LUC7L: variants seen among roughly 807,000 people sequenced by gnomAD.
The protein encoded by LUC7L is putative RNA-binding protein Luc7-like 1.
LUC7L carries 29 observed loss-of-function variants against 51.1 expected under a neutral mutation model. The ratio of observed to expected loss-of-function variants is 0.57; its 90% CI spans 0.42 to 0.77. The LOEUF is 0.77. Ranked by LOEUF, LUC7L falls within the 30% of genes least tolerant of loss-of-function variation. The pLI is 0.00. For missense variants in LUC7L, 403 were observed against 511.9 expected (o/e 0.79, Z 2.05); for synonymous variants, 181 against 180.7 (o/e 1.00, Z -0.01).
chr16:189,801 A>G, intron 9 of LUC7L, 167 bp downstream of exon 9: 1 of 1,429,686 alleles, frequency 7.0e-7, no homozygotes, highest in Non-Finnish European at 9.1e-7. Flanking sequence ...GCTCCTCCAC[A>G]GCCCTCTCGC....
intron 2 of LUC7L, among the ~76,000 whole-genome samples, chr16:224,244 C>T (rs1349687454): frequency 6.6e-6 from 1 of 152,040 alleles, no homozygotes; most frequent in African/African-American, 2.4e-5. Flanking sequence ...TGAGGCCGAG[C>T]GCGGTGGCTC....
intron 2 of LUC7L, among the ~76,000 whole-genome samples, chr16:226,028 C>G (rs935942066): frequency 6.6e-6 from 1 of 152,090 alleles, no homozygotes; most frequent in Non-Finnish European, 1.5e-5. Flanking sequence ...CTTCCTTTGA[C>G]GAGTTGAAAT....
chr16:202,760 C>T (rs537398374), intron 5 of LUC7L, among the ~76,000 whole-genome samples: 1 of 152,290 alleles, frequency 6.6e-6, no homozygotes, highest in South Asian at 2.1e-4. Flanking sequence ...GACATCATTA[C>T]GGATCCACCC....
In LUC7L at chr16:189,284, G is replaced by T. The variant is rs145225527; in HGVS notation, c.1030C>A (p.Arg344=). Reference sequence around the variant, plus strand: ...TCAAGCCTCCAGTCCGGGGGCCCTCGCTCGCTCCGCCCGCTCTCCCAGGAC... The same window carrying T: ...TCAAGCCTCCAGTCCGGGGGCCCTCTCTCGCTCCGCCCGCTCTCCCAGGAC... ...EESWESGRSE[R]GPPDWRLESS... The change falls in exon 10 of 10, where the codon CGA becomes AGA. Residue 344 remains arginine (R), a synonymous_variant. Transcript: ENST00000293872. 2 of 1,613,332 alleles carry T rather than the reference G, an allele frequency of 1.2e-6. No individual in the cohort carries two copies. Among genetic ancestry groups the T allele is most frequent in the Non-Finnish European group, 1.7e-6 (2 of 1,179,920 alleles).
At chr16:219,133 G>GT (rs1232825461) in intron 3 of LUC7L, among the ~76,000 whole-genome samples, 1 of 151,828 alleles carries the variant, frequency 6.6e-6, no homozygotes, top group African/African-American at 2.4e-5. Flanking sequence ...GCTCACAGCT[G>GT]TAATCCCAGC....
intron 4 of LUC7L, 100 bp from the exon 5 acceptor site, chr16:206,247 T>C: frequency 1.7e-6 from 2 of 1,180,162 alleles, no homozygotes; most frequent in Non-Finnish European, 1.2e-6. Context: ...TGAAAATAAG[T>C]GGAAGAGCTA....
intron 1 of LUC7L, chr16:227,640 G>A (rs781098076): frequency 4.5e-4 from 522 of 1,150,124 alleles, no homozygotes; most frequent in Non-Finnish European, 4.4e-4. Flanking sequence ...ATATACATGT[G>A]GCAATGAGAC....
intron 7 of LUC7L, among the ~76,000 whole-genome samples, chr16:191,041 C>T (rs1464497686): frequency 1.3e-5 from 2 of 152,160 alleles, no homozygotes; most frequent in African/African-American, 4.8e-5. Context: ...GCCAATGCTC[C>T]CATCCCCACA....
chr16:193,529 G>C (rs1441535364), intron 6 of LUC7L, among the ~76,000 whole-genome samples: 1 of 151,832 alleles, frequency 6.6e-6, no homozygotes, highest in Non-Finnish European at 1.5e-5. Context: ...TCCTGAGACA[G>C]AGTCCGCCCT....
chr16:192,459 G>T (rs1319018596), intron 7 of LUC7L, among the ~76,000 whole-genome samples: 8 of 151,796 alleles, frequency 5.3e-5, no homozygotes, highest in Admixed American at 2.6e-4. Context: ...TCCTGCGCTG[G>T]GACGTGTTTT....
At chr16:222,157 C>T (rs562899511) in intron 2 of LUC7L, among the ~76,000 whole-genome samples, 18 of 152,082 alleles carry the variant, frequency 1.2e-4, no homozygotes, top group African/African-American at 4.3e-4. Flanking sequence ...AATCTAAATC[C>T]TAAGTATAGG....
Position 227,846 on chromosome 16 carries a change from T to C in LUC7L, c.62-510A>G, listed in dbSNP as rs549576294. 6.0e-6 allele frequency: 6 copies of C among 1,001,462 alleles called. No individual in the cohort carries two copies. The South Asian group carries it at 2.1e-4, about 35-fold the overall frequency. The allele number at this position is 1,001,462 out of a possible 1,614,324, so 62.0% of individuals were successfully genotyped here. ...AAGACTGTTAAATAATCTAGATCTATTCTTCCTACGTCCCTTTCGTTCCCA... is the reference window on the plus strand; with the variant it reads ...AAGACTGTTAAATAATCTAGATCTACTCTTCCTACGTCCCTTTCGTTCCCA... On this transcript the variant is annotated intron_variant, in intron 1 of 9. Coordinates refer to ENST00000293872, the MANE Select transcript of LUC7L (RefSeq NM_201412.3).
intron 9 of LUC7L, 122 bp from the exon 10 acceptor site, chr16:189,461 A>C: frequency 7.0e-7 from 1 of 1,427,850 alleles, no homozygotes; most frequent in Non-Finnish European, 9.1e-7. Flanking sequence ...ATACCTGGAA[A>C]CCCCCCGGAG....
intron 3 of LUC7L, among the ~76,000 whole-genome samples, chr16:214,445 T>C (rs1339021724): frequency 2.0e-5 from 3 of 152,230 alleles, no homozygotes; most frequent in Admixed American, 1.3e-4. Context: ...CATTATAATT[T>C]ATTCACTCAT....
At chr16:208,508 T>C (rs1045623098) in intron 3 of LUC7L, 5 of 576,454 alleles carry the variant, frequency 8.7e-6, no homozygotes, top group African/African-American at 4.2e-5. Context: ...CAGCAATTCA[T>C]AGAGTTCTCG....
At chr16:216,701 C>T (rs1374910623) in intron 3 of LUC7L, among the ~76,000 whole-genome samples, 1 of 151,978 alleles carries the variant, frequency 6.6e-6, no homozygotes, top group Non-Finnish European at 1.5e-5. Flanking sequence ...ATATGAGCCC[C>T]CTGTAAGGTC....
At chr16:228,761 A>T in intron 1 of LUC7L, 1 of 1,275,166 alleles carries the variant, frequency 7.8e-7, no homozygotes. Context: ...GGAAGGGGGC[A>T]GCTGGAAAAG....
At position 225,906 on chromosome 16, in the gene LUC7L, T is replaced by C. The variant is rs557525829; in HGVS notation, c.156+1336A>G. On this transcript the variant is annotated intron_variant, in intron 2 of 9. Transcript: ENST00000293872. ...ACACAGGGTCTGGCCAAGGAAAACA[T>C]GGTTGAAATCTTCCCGAGAGTGCAC... is the stretch of plus-strand genomic sequence containing the variant. 9.8e-5 allele frequency among the ~76,000 whole-genome samples: 15 copies of C among 152,306 alleles called. No individual in the cohort carries two copies. The South Asian group carries it at 1.7e-3, about 17-fold the overall frequency.
At chr16:196,878 A>G (rs2049163381) in intron 6 of LUC7L, among the ~76,000 whole-genome samples, 1 of 150,014 alleles carries the variant, frequency 6.7e-6, no homozygotes, top group Non-Finnish European at 1.5e-5. Context: ...GTGATTTATA[A>G]TTCTATTGGA....
Sources: gnomAD v4.1 joint callset for allele counts (sites outside exome capture counted in the v4.1 genomes callset) on GRCh38, gnomAD v4.1.1 for gene constraint, MANE v1.5 for transcripts, NCBI Gene and HGNC (gene_info 2026-07-23, HGNC 2026-07-21) for gene names.